OTOA: variants seen among roughly 807,000 people sequenced by gnomAD.
OTOA encodes the protein cancer/testis antigen 108.
A neutral mutation model predicts 110.8 loss-of-function variants in OTOA; 70 were observed. That is an observed-to-expected ratio of 0.63 (90% confidence interval 0.52 to 0.77). The LOEUF is 0.77. OTOA is among the 30% of genes least tolerant of loss of function. OTOA has a pLI of 0.00. For synonymous variants in OTOA, 373 were observed against 431.5 expected (o/e 0.86, Z 1.68); for missense variants, 917 against 1,075.8 (o/e 0.85, Z 2.06).
intron 10 of OTOA, among the ~76,000 whole-genome samples, chr16:21,700,491 G>A (rs1286542549): frequency 5.9e-5 from 9 of 151,962 alleles, no homozygotes; most frequent in Non-Finnish European, 1.3e-4. Context: ...TTGGGAGGCC[G>A]AGGCGGGTGG....
chr16:21,675,063 G>GTCTT (rs199797416), intron 1 of OTOA, among the ~76,000 whole-genome samples: 14,754 of 123,012 alleles, frequency 0.12, 1,019 homozygotes, highest in South Asian at 0.16. Flanking sequence ...TTTTCTTTCT[G>GTCTT]TCTTTCTTTC....
intron 17 of OTOA, 62 bp from the exon 18 acceptor site, chr16:21,722,843 A>G: frequency 6.9e-7 from 1 of 1,449,914 alleles, no homozygotes; most frequent in Non-Finnish European, 9.7e-7. Context: ...TGGCACATGG[A>G]AAGCACTGTG....
intron 20 of OTOA, among the ~76,000 whole-genome samples, chr16:21,729,004 A>T (rs1480044163): frequency 2.0e-5 from 3 of 151,888 alleles, no homozygotes; most frequent in Non-Finnish European, 4.4e-5. Flanking sequence ...GGCCCTTTAC[A>T]GATGCAAGGT....
intron 1 of OTOA, among the ~76,000 whole-genome samples, chr16:21,675,125 CTCTTTCTTTCCT>C (rs1966855153): frequency 8.1e-6 from 1 of 122,968 alleles, no homozygotes; most frequent in African/African-American, 3.0e-5. Flanking sequence ...TTTTCTTTCT[CTCTTTCTTTCCT>C]TCTTTCTTTT....
intron 1 of OTOA, among the ~76,000 whole-genome samples, chr16:21,670,863 G>A (rs1051570048): frequency 2.0e-5 from 3 of 152,122 alleles, no homozygotes; most frequent in Admixed American, 6.6e-5. Flanking sequence ...GATCTTAGCC[G>A]GGCAAAGAGG....
intron 13 of OTOA, among the ~76,000 whole-genome samples, chr16:21,714,459 TC>T (rs759238362): frequency 2.0e-4 from 8 of 39,924 alleles, no homozygotes; most frequent in South Asian, 7.9e-4. Flanking sequence ...TCTCTCTCTC[TC>T]TTCTTTCTTT....
chr16:21,729,203 T>G (rs527310177), intron 20 of OTOA, among the ~76,000 whole-genome samples: 1 of 151,734 alleles, frequency 6.6e-6, no homozygotes, highest in South Asian at 2.1e-4. Flanking sequence ...CCCAGCTAAT[T>G]TTTGTATTTT....
chr16:21,714,409 CTCTT>C (rs1010741560), intron 13 of OTOA, among the ~76,000 whole-genome samples: 35 of 140,682 alleles, frequency 2.5e-4, no homozygotes, highest in South Asian at 6.8e-4. Flanking sequence ...CTCTTTCTTT[CTCTT>C]TCTTTCTTTC....
At chr16:21,675,660 A>G (rs915313102) in intron 1 of OTOA, among the ~76,000 whole-genome samples, 2 of 152,026 alleles carry the variant, frequency 1.3e-5, no homozygotes, top group Non-Finnish European at 2.9e-5. Flanking sequence ...TGTTAACTCT[A>G]TCCCGTGTAT....
intron 17 of OTOA, among the ~76,000 whole-genome samples, chr16:21,722,359 T>C (rs1449963313): frequency 6.7e-6 from 1 of 148,570 alleles, no homozygotes; most frequent in Non-Finnish European, 1.5e-5. Flanking sequence ...AAACTATATA[T>C]ATAGTTAAGC....
intron 28 of OTOA, among the ~76,000 whole-genome samples, chr16:21,759,390 G>A (rs1342733092): frequency 6.6e-6 from 1 of 151,942 alleles, no homozygotes; most frequent in Non-Finnish European, 1.5e-5. Flanking sequence ...CTGTGCACAG[G>A]AGCTGTGCCA....
chr16:21,704,814 GGA>G, intron 11 of OTOA: 8 of 639,722 alleles, frequency 1.3e-5, no homozygotes, highest in Admixed American at 2.0e-5. Flanking sequence ...TTTTATAGGC[GGA>G]GGGTAATGAG....
intron 1 of OTOA, among the ~76,000 whole-genome samples, chr16:21,668,427 T>A (rs972994254): frequency 2.0e-5 from 3 of 151,200 alleles, no homozygotes; most frequent in African/African-American, 7.3e-5. Flanking sequence ...TTTTATTTTA[T>A]GGTATTTTTT....
intron 12 of OTOA, among the ~76,000 whole-genome samples, chr16:21,707,657 C>CTTTCTTTCTTTCTTTCTT (rs1396136165): frequency 5.5e-5 from 5 of 91,478 alleles, no homozygotes; most frequent in Admixed American, 1.3e-4. Flanking sequence ...TTCTTTCTTT[C>CTTTCTTTCTTTCTTTCTT]TCTTTCTTTC....
At chr16:21,706,404 C>T (rs1447242195) in intron 12 of OTOA, among the ~76,000 whole-genome samples, 1 of 152,206 alleles carries the variant, frequency 6.6e-6, no homozygotes, top group Non-Finnish European at 1.5e-5. Context: ...AGATTAGTAA[C>T]ATCCCTGCCA....
In OTOA at chr16:21,723,696, G is replaced by A. The variant is rs1898831252; in HGVS notation, c.1880+718G>A. The stretch of plus-strand genomic sequence containing the variant: ...CAGGTAACTGGAAAGTTCAGAGAGG[G>A]ACTTCAGGCATGGCTCGATCTAGGG... On this transcript the variant is annotated intron_variant, in intron 18 of 28. Transcript: ENST00000646100. 2.0e-5 allele frequency among the ~76,000 whole-genome samples: 3 copies of A among 152,110 alleles called. 1 individual carries two copies. Among genetic ancestry groups the A allele is most frequent in the Non-Finnish European group, 4.4e-5 (3 of 68,020 alleles).
chr16:21,712,737 C>T (rs959596320), intron 13 of OTOA, among the ~76,000 whole-genome samples: 3 of 151,108 alleles, frequency 2.0e-5, no homozygotes, highest in East Asian at 2.0e-4. Flanking sequence ...CCCAGCTACT[C>T]GGGAGGCTGA....
chr16:21,759,172 C>T (rs529377958), intron 28 of OTOA, among the ~76,000 whole-genome samples: 2 of 152,040 alleles, frequency 1.3e-5, no homozygotes, highest in African/African-American at 4.8e-5. Flanking sequence ...AAATCTTTTC[C>T]TCCAGCCCCT....
At chr16:21,709,866 T>G in intron 12 of OTOA, 22 bp from the exon 13 acceptor site, 1 of 1,591,292 alleles carries the variant, frequency 6.3e-7, no homozygotes, top group South Asian at 1.1e-5. Flanking sequence ...TCAACACTCA[T>G]TCCAGTTTGC....
Sources: gnomAD v4.1 joint callset for allele counts (sites outside exome capture counted in the v4.1 genomes callset) on GRCh38, gnomAD v4.1.1 for gene constraint, MANE v1.5 for transcripts, NCBI Gene and HGNC (gene_info 2026-07-23, HGNC 2026-07-21) for gene names.